OPCML: variants seen among roughly 807,000 people sequenced by gnomAD.
OPCML encodes opioid-binding protein/cell adhesion molecule.
OPCML carries 13 observed loss-of-function variants against 37.8 expected under a neutral mutation model. The observed-to-expected ratio is 0.34, with a 90% CI of 0.22 to 0.55. The LOEUF (loss-of-function observed/expected upper bound fraction) is 0.55, where lower values mean the gene tolerates loss of function less well. OPCML is among the 20% of genes least tolerant of loss of function. The pLI is 0.91. For missense variants in OPCML, 341 were observed against 435.6 expected, an observed-to-expected ratio of 0.78 and a Z score of 1.93; for synonymous variants, 176 against 168.8, an observed-to-expected ratio of 1.04 and a Z score of -0.33.
chr11:133,524,432 C>T (rs1312970750), intron 1 of OPCML, among the ~76,000 whole-genome samples: 1 of 152,176 alleles, frequency 6.6e-6, no homozygotes, highest in Non-Finnish European at 1.5e-5. Flanking sequence ...ATTGCACTTC[C>T]TATGAACAAC....
At chr11:132,512,946 C>A (rs1440599267) in intron 4 of OPCML, among the ~76,000 whole-genome samples, 1 of 151,906 alleles carries the variant, frequency 6.6e-6, no homozygotes, top group Non-Finnish European at 1.5e-5. Flanking sequence ...TCAAAACTCA[C>A]CAAAAGCTGC....
chr11:132,632,317 C>T (rs9633970), intron 3 of OPCML, among the ~76,000 whole-genome samples: 113,679 of 147,278 alleles, frequency 0.77, 44,070 homozygotes, highest in Middle Eastern at 0.82. Context: ...TCAAAGCAAG[C>T]AGCTGACATT....
chr11:132,437,319 G>C lies in OPCML; in HGVS notation c.546C>G (p.Ile182Met). Residue 182 changes from isoleucine to methionine, a missense_variant, in exon 5 of 8, where the codon ATC becomes ATG. Ile to Met is a conservative substitution (Grantham distance 10). Coordinates refer to ENST00000524381, the MANE Select transcript of OPCML (RefSeq NM_001012393.5). The stretch of plus-strand genomic sequence containing the variant: ...CGGACTGGTCTCGCTTGATGTCAGA[G>C]ATCTCCAGGTACTCATCCTCACTTA... ...GFVSEDEYLEISDIKRDQSGE... is the reference protein window; with the variant it reads ...GFVSEDEYLEMSDIKRDQSGE... 6.2e-7 allele frequency: 1 copy of C among 1,614,220 alleles called. No individual in the cohort carries two copies. Among genetic ancestry groups the C allele is most frequent in the Non-Finnish European group, 8.5e-7 (1 of 1,180,040 alleles).
chr11:132,883,617 C>T (rs1035679732), intron 2 of OPCML, among the ~76,000 whole-genome samples: 1 of 152,030 alleles, frequency 6.6e-6, no homozygotes, highest in Non-Finnish European at 1.5e-5. Flanking sequence ...CGTTTTGAGA[C>T]TGGGTAAATA....
chr11:133,136,945 G>A (rs1033838953), intron 1 of OPCML, among the ~76,000 whole-genome samples: 22 of 150,848 alleles, frequency 1.5e-4, no homozygotes, highest in Admixed American at 1.3e-3. Context: ...AGAAAGGAAT[G>A]GTCATCAGAA....
chr11:132,685,897 G>A lies in OPCML; in HGVS notation c.147-28578C>T, dbSNP rs138309575. ...ATTAGCCCCCAGTTCAATGGCATCT[G>A]CAGTGTGTAACTTCGGGTTTAATAC... On this transcript the variant is annotated intron_variant, in intron 2 of 7. Coordinates refer to ENST00000524381, the MANE Select transcript of OPCML (RefSeq NM_001012393.5). Among the ~76,000 whole-genome samples the A allele has an allele frequency of 1.9e-3, 286 of 152,292 alleles. 2 individuals are homozygous for A. Among genetic ancestry groups the A allele is most frequent in the African/African-American group, 5.8e-3 (243 of 41,572 alleles).
chr11:133,526,823 C>G (rs779213568), intron 1 of OPCML, among the ~76,000 whole-genome samples: 11 of 152,356 alleles, frequency 7.2e-5, no homozygotes, highest in Non-Finnish European at 1.5e-4. Context: ...CAGGACCTAG[C>G]CCTGCACTGA....
At chr11:133,081,101 C>T (rs1327093765) in intron 1 of OPCML, among the ~76,000 whole-genome samples, 1 of 152,154 alleles carries the variant, frequency 6.6e-6, no homozygotes, top group Non-Finnish European at 1.5e-5. Flanking sequence ...TGTAGCTATT[C>T]CTTGTAGGAC....
chr11:133,435,902 T>A (rs1034919247), intron 1 of OPCML, among the ~76,000 whole-genome samples: 2 of 152,224 alleles, frequency 1.3e-5, no homozygotes, highest in Non-Finnish European at 2.9e-5. Context: ...GTAAGAGGGA[T>A]CTAATTTCAG....
chr11:133,330,681 T>G, intron 1 of OPCML, among the ~76,000 whole-genome samples: 2 of 125,672 alleles, frequency 1.6e-5, no homozygotes, highest in East Asian at 2.8e-4. Flanking sequence ...CACCAGGGAC[T>G]GTTGTGGGGT....
chr11:132,818,281 A>G (rs895293015), intron 2 of OPCML, among the ~76,000 whole-genome samples: 15 of 151,908 alleles, frequency 9.9e-5, no homozygotes, highest in Admixed American at 3.3e-4. Flanking sequence ...ATTTTCTTCT[A>G]TTTTATCTTT....
At chr11:133,473,765 A>G (rs1253615725) in intron 1 of OPCML, among the ~76,000 whole-genome samples, 3 of 152,244 alleles carry the variant, frequency 2.0e-5, no homozygotes, top group Non-Finnish European at 4.4e-5. Flanking sequence ...CTTTGTGCCC[A>G]GTACATCCAA....
intron 1 of OPCML, among the ~76,000 whole-genome samples, chr11:133,511,824 C>T (rs1354268466): frequency 6.6e-6 from 1 of 152,074 alleles, no homozygotes; most frequent in Non-Finnish European, 1.5e-5. Context: ...TTCCTAAGGG[C>T]AGAACTCTTA....
At chr11:133,502,428 C>A (rs1237849693) in intron 1 of OPCML, among the ~76,000 whole-genome samples, 1 of 152,188 alleles carries the variant, frequency 6.6e-6, no homozygotes, top group Non-Finnish European at 1.5e-5. Context: ...CTGACAAGCT[C>A]CCTGGGAAAG....
At chr11:133,130,024 A>C (rs1949579379) in intron 1 of OPCML, among the ~76,000 whole-genome samples, 1 of 152,216 alleles carries the variant, frequency 6.6e-6, no homozygotes, top group Admixed American at 6.5e-5. Context: ...AGATATTAGA[A>C]TTAGTAACCA....
At chr11:132,620,444 G>T (rs1282776110) in intron 3 of OPCML, among the ~76,000 whole-genome samples, 3 of 152,178 alleles carry the variant, frequency 2.0e-5, no homozygotes, top group African/African-American at 4.8e-5. Flanking sequence ...CTAGAAAACA[G>T]ACCCTGAGGA....
intron 2 of OPCML, among the ~76,000 whole-genome samples, chr11:132,928,524 G>A (rs1945076785): frequency 6.6e-6 from 1 of 151,936 alleles, no homozygotes; most frequent in South Asian, 2.1e-4. Context: ...AGACCAGTAG[G>A]AGACATTAGC....
At chr11:132,967,091 CTGTT>C (rs1054573953) in intron 1 of OPCML, among the ~76,000 whole-genome samples, 5 of 152,054 alleles carry the variant, frequency 3.3e-5, no homozygotes, top group Non-Finnish European at 4.4e-5. Context: ...TTTTGTTCCT[CTGTT>C]TGTCGTTTGC....
chr11:133,019,074 G>A (rs1036224524), intron 1 of OPCML, among the ~76,000 whole-genome samples: 17 of 152,186 alleles, frequency 1.1e-4, no homozygotes, highest in African/African-American at 4.1e-4. Context: ...TCTGCAGGCT[G>A]GTGAGACAAA....
Sources: gnomAD v4.1 joint callset for allele counts (sites outside exome capture counted in the v4.1 genomes callset) on GRCh38, gnomAD v4.1.1 for gene constraint, MANE v1.5 for transcripts, NCBI Gene and HGNC (gene_info 2026-07-23, HGNC 2026-07-21) for gene names.